CDH13: variants seen among roughly 807,000 people sequenced by gnomAD.
CDH13 encodes the protein cadherin-13.
A neutral mutation model predicts 63.8 loss-of-function variants in CDH13; 24 were observed. The ratio of observed to expected loss-of-function variants is 0.38; its 90% CI spans 0.27 to 0.53. The LOEUF is 0.53. CDH13 is among the 20% of genes least tolerant of loss of function. The pLI is 0.85. For synonymous variants in CDH13, 503 were observed against 355.3 expected, an observed-to-expected ratio of 1.42 and a Z score of -4.67; for missense variants, 1,049 against 903.1, an observed-to-expected ratio of 1.16 and a Z score of -2.07.
intron 1 of CDH13, among the ~76,000 whole-genome samples, chr16:82,839,568 C>T (rs1167184101): frequency 6.6e-6 from 1 of 152,174 alleles, no homozygotes; most frequent in Non-Finnish European, 1.5e-5. Flanking sequence ...TGGCCCTGCT[C>T]CAATTACCTT....
At chr16:82,659,283 A>C (rs1911657372) in intron 1 of CDH13, among the ~76,000 whole-genome samples, 1 of 152,040 alleles carries the variant, frequency 6.6e-6, no homozygotes, top group Admixed American at 6.6e-5. Flanking sequence ...GCATTGTGGA[A>C]ATTACCTCAA....
intron 11 of CDH13, among the ~76,000 whole-genome samples, chr16:83,767,003 A>T (rs1914434805): frequency 6.6e-6 from 1 of 152,124 alleles, no homozygotes; most frequent in Non-Finnish European, 1.5e-5. Flanking sequence ...CGGAACGGTG[A>T]GTCAATTAAA....
intron 2 of CDH13, among the ~76,000 whole-genome samples, chr16:82,867,111 G>A (rs1680938236): frequency 6.6e-6 from 1 of 152,208 alleles, no homozygotes; most frequent in South Asian, 2.1e-4. Flanking sequence ...ACAGCTCTTA[G>A]GGGAAAGGTA....
At chr16:83,517,089 A>C (rs1042471450) in intron 7 of CDH13, among the ~76,000 whole-genome samples, 3 of 152,190 alleles carry the variant, frequency 2.0e-5, no homozygotes, top group Non-Finnish European at 4.4e-5. Context: ...GGAAATATGA[A>C]GTGAATTCCT....
At chr16:83,324,100 C>G (rs183117415) in intron 5 of CDH13, among the ~76,000 whole-genome samples, 1 of 149,706 alleles carries the variant, frequency 6.7e-6, no homozygotes. Context: ...TGCAATGGCA[C>G]AATCTTGGGT....
intron 8 of CDH13, among the ~76,000 whole-genome samples, chr16:83,609,063 T>A (rs1030307804): frequency 2.6e-5 from 4 of 152,174 alleles, no homozygotes; most frequent in Non-Finnish European, 5.9e-5. Flanking sequence ...CATTTTATTA[T>A]TGGAAAACTT....
At chr16:83,339,766 C>T (rs949352892) in intron 5 of CDH13, among the ~76,000 whole-genome samples, 1 of 152,126 alleles carries the variant, frequency 6.6e-6, no homozygotes, top group African/African-American at 2.4e-5. Flanking sequence ...GCATCTGGAT[C>T]TCCCTCCCAT....
chr16:83,482,013 G>T (rs76082740), intron 6 of CDH13, among the ~76,000 whole-genome samples: 9,339 of 152,204 alleles, frequency 0.061, 313 homozygotes, highest in Middle Eastern at 0.11. Flanking sequence ...CTGCATGTCA[G>T]CCCTGGGCAT....
In CDH13 at chr16:82,891,037, G is replaced by A. The variant is rs186064066; in HGVS notation, c.157+32564G>A. On this transcript the variant is annotated intron_variant, in intron 2 of 13. Transcript: ENST00000567109. ...CTAGGACATTAAGTCATAGAGGAGG[G>A]TTTTTTTTTTTTTTTTTAAGTTTTG... Among the ~76,000 whole-genome samples, 341 of 82,836 alleles carry A rather than the reference G, an allele frequency of 4.1e-3. 4 individuals carry two copies. Among genetic ancestry groups the A allele is most frequent in the African/African-American group, 0.016 (314 of 19,940 alleles). The allele number at this position is 82,836 out of a possible 152,430, so 54.3% of individuals were successfully genotyped here. A position where few individuals can be genotyped will look rare whatever the true frequency, so the allele number is the denominator to read the frequency against.
intron 7 of CDH13, among the ~76,000 whole-genome samples, chr16:83,526,352 G>T (rs1215889771): frequency 2.0e-5 from 3 of 152,214 alleles, no homozygotes; most frequent in Non-Finnish European, 4.4e-5. Flanking sequence ...CCAGAAACCA[G>T]TTTCATGGAA....
chr16:83,717,864 A>G (rs958377100), intron 10 of CDH13: 16 of 152,200 alleles, frequency 1.1e-4, no homozygotes, highest in African/African-American at 2.7e-4. Flanking sequence ...AACCCCATTC[A>G]GTTCCTACTG....
chr16:82,658,905 T>G (rs919013555), intron 1 of CDH13, among the ~76,000 whole-genome samples: 1 of 152,170 alleles, frequency 6.6e-6, no homozygotes, highest in Non-Finnish European at 1.5e-5. Context: ...TCAGATAAAA[T>G]AGCCCTAAAG....
chr16:83,033,898 C>T (rs1257582156), intron 3 of CDH13, among the ~76,000 whole-genome samples: 2 of 152,112 alleles, frequency 1.3e-5, no homozygotes, highest in African/African-American at 2.4e-5. Flanking sequence ...TGGTCTTCCT[C>T]GATTTTTCAC....
chr16:82,714,483 G>C (rs1211280747), intron 1 of CDH13, among the ~76,000 whole-genome samples: 1 of 151,982 alleles, frequency 6.6e-6, no homozygotes, highest in East Asian at 1.9e-4. Context: ...AGAGGCCGAG[G>C]CTGGCAGATC....
intron 1 of CDH13, among the ~76,000 whole-genome samples, chr16:82,692,802 A>G (rs1915766884): frequency 4.3e-5 from 2 of 46,142 alleles, no homozygotes; most frequent in Admixed American, 3.0e-4. Flanking sequence ...CTGGGAGGAG[A>G]CCTGCACAGG....
intron 2 of CDH13, among the ~76,000 whole-genome samples, chr16:82,918,072 T>C (rs1446541726): frequency 1.3e-5 from 2 of 152,218 alleles, no homozygotes; most frequent in Non-Finnish European, 2.9e-5. Flanking sequence ...TTGGCAGTTG[T>C]GCACAAACCT....
chr16:83,496,760 A>G lies in CDH13; in HGVS notation c.960+10105A>G, dbSNP rs569304984. On this transcript the variant is annotated intron_variant, in intron 7 of 13. Transcript: ENST00000567109. ...TGGGGAAAATTTTCGCAACATACTC[A>G]TCTGACAAAGGGCTAATATCCAGAA... is the stretch of plus-strand genomic sequence containing the variant. Among the ~76,000 whole-genome samples the G allele has an allele frequency of 4.5e-4, 68 of 152,368 alleles. 1 individual carries two copies. Among genetic ancestry groups the G allele is most frequent in the African/African-American group, 1.6e-3 (67 of 41,592 alleles).
chr16:82,889,701 T>G (rs12446000), intron 2 of CDH13, among the ~76,000 whole-genome samples: 33,776 of 152,196 alleles, frequency 0.22, 5,180 homozygotes, highest in East Asian at 0.78. Context: ...ATGACAGAGT[T>G]GGCTCTGTCT....
At chr16:82,894,918 G>A (rs766017385) in intron 2 of CDH13, among the ~76,000 whole-genome samples, 17 of 152,158 alleles carry the variant, frequency 1.1e-4, no homozygotes, top group Non-Finnish European at 1.6e-4. Flanking sequence ...CTAGGGAGTC[G>A]TGAGCAAGGT....
Sources: gnomAD v4.1 joint callset for allele counts (sites outside exome capture counted in the v4.1 genomes callset) on GRCh38, gnomAD v4.1.1 for gene constraint, MANE v1.5 for transcripts, NCBI Gene and HGNC (gene_info 2026-07-23, HGNC 2026-07-21) for gene names.